Variants in NR5A1 observed in about 807,000 individuals in gnomAD.
The protein encoded by NR5A1 is steroidogenic factor 1.
Under a neutral mutation model 42.7 loss-of-function variants are expected in NR5A1, and 6 were observed. That is an observed-to-expected ratio of 0.14 (90% confidence interval 0.08 to 0.28). The LOEUF is 0.28. NR5A1 is among the 10% of genes least tolerant of loss of function. The pLI is 1.00. For synonymous variants in NR5A1, 274 were observed against 277.5 expected (o/e 0.99, Z 0.12); for missense variants, 442 against 626.4 (o/e 0.71, Z 3.14).
At position 124,498,405 on chromosome 9, in the gene NR5A1, G is replaced by C. The variant is rs1171940791; in HGVS notation, c.870+1685C>G. Among the ~76,000 whole-genome samples, 1 of 152,212 alleles carries C rather than the reference G, an allele frequency of 6.6e-6. No individual in the cohort carries two copies. Among genetic ancestry groups the C allele is most frequent in the African/African-American group, 2.4e-5 (1 of 41,452 alleles). On this transcript the variant is annotated intron_variant, in intron 4 of 6. Transcript: ENST00000373588. This position sits in a 1 kb window ranked among gnomAD's most constrained non-coding sequence, Gnocchi z 4.6. ...GAAGCAGGAAGGTTTGGACCACGGA[G>C]AAGCCAGAAGCAGGAAAAAACACTC...
At position 124,496,209 on chromosome 9, in the gene NR5A1, A is replaced by C. The variant is rs938608999; in HGVS notation, c.871-3060T>G. Reference sequence around the variant, plus strand: ...GCACACACACACACACACACACACAACCTCTTTTTATTTAAAAGAAAACCA... The same window carrying C: ...GCACACACACACACACACACACACACCCTCTTTTTATTTAAAAGAAAACCA... On this transcript the variant is annotated intron_variant, in intron 4 of 6. Transcript: ENST00000373588. This position sits in a 1 kb window ranked among gnomAD's most constrained non-coding sequence, Gnocchi z 5.0. Among the ~76,000 whole-genome samples the C allele has an allele frequency of 2.0e-5, 3 of 147,634 alleles. No individual in the cohort carries two copies. The highest frequency in any genetic ancestry group is 2.2e-4 in the South Asian group (1 of 4,596).
chr9:124,500,193 G>A lies in NR5A1; in HGVS notation c.767C>T (p.Pro256Leu), dbSNP rs761998023. Residue 256 changes from proline to leucine, a missense_variant, in exon 4 of 7, where the codon CCC (proline) becomes CTC (leucine). Around this residue, in one of 3 missense-constraint regions of NR5A1, gnomAD observed 208 missense variants for 203.8 expected, o/e 1.02. Coordinates refer to ENST00000373588, the MANE Select transcript of NR5A1 (RefSeq NM_004959.5). This position sits in a 1 kb window ranked among gnomAD's most constrained non-coding sequence, Gnocchi z 6.9. ...GCLQEPTKSR[P>L]DQPAAFGLLC... ...GAGGCCGAAGGCCGCCGGCTGGTCG[G>A]GGCGGCTTTTGGTGGGCTCCTGCAG... The A allele has an allele frequency of 1.9e-6, 3 of 1,610,298 alleles. No homozygotes were observed. Among genetic ancestry groups the A allele is most frequent in the South Asian group, 1.1e-5 (1 of 90,988 alleles).
rs117525354 is a variant in NR5A1 at position 124,505,775 on chromosome 9, G to C, written c.-16+1474C>G. On this transcript the variant is annotated intron_variant, in intron 1 of 6. Transcript: ENST00000373588. Reference sequence around the variant, plus strand: ...GCTGCTCCCCTCGGAGCTCTCACGGGGGGGTGGGGCGAGGAAGAAAGCGCT... The same window carrying C: ...GCTGCTCCCCTCGGAGCTCTCACGGCGGGGTGGGGCGAGGAAGAAAGCGCT... 7.7e-3 allele frequency among the ~76,000 whole-genome samples: 1,176 copies of C among 152,310 alleles called. 22 individuals carry two copies. Among genetic ancestry groups the C allele is most frequent in the East Asian group, 0.041 (211 of 5,152 alleles).
At chr9:124,504,559 G>T (rs542534687) in intron 1 of NR5A1, among the ~76,000 whole-genome samples, 1 of 151,790 alleles carries the variant, frequency 6.6e-6, no homozygotes, top group Non-Finnish European at 1.5e-5. Context: ...CCGGGAAGCC[G>T]AGCCCGAGGC....
chr9:124,503,176 G>T lies in NR5A1; in HGVS notation c.147C>A (p.Cys49Ter). Residue 49 changes from cysteine to a stop codon, truncating the protein, a stop_gained, in exon 3 of 7, where the codon TGC becomes TGA. Coordinates refer to ENST00000373588, the MANE Select transcript of NR5A1 (RefSeq NM_004959.5). LOFTEE classifies it high-confidence loss of function. The surrounding 1 kb of genome is among the most constrained non-coding windows in gnomAD (Gnocchi z 9.6). ...CGATCTTGCAGCTCTGGCTCTCGGT[G>T]CACGTGTAGTGCTTGTTGTTCTGCA... is the stretch of plus-strand genomic sequence containing the variant. ...RTVQNNKHYT[C>*]TESQSCKIDK... 6.2e-7 allele frequency: 1 copy of T among 1,602,000 alleles called. No homozygotes were observed. The highest frequency in any genetic ancestry group is 8.5e-7 in the Non-Finnish European group (1 of 1,175,336).
Position 124,493,167 on chromosome 9 carries a change from G to T in NR5A1, c.871-18C>A, listed in dbSNP as rs370794914. ...TCGGCCACCTGGAAGGAAGAGGCAC[G>T]CGGGGGGCCGGGCTCCAGCCAGGGT... is the stretch of plus-strand genomic sequence containing the variant. On this transcript the variant is annotated intron_variant, in intron 4 of 6. Coordinates refer to ENST00000373588, the MANE Select transcript of NR5A1 (RefSeq NM_004959.5). The T allele has an allele frequency of 1.9e-6, 3 of 1,607,338 alleles. No individual in the cohort carries two copies. The highest frequency in any genetic ancestry group is 2.7e-5 in the African/African-American group (2 of 74,856).
intron 4 of NR5A1, among the ~76,000 whole-genome samples, chr9:124,493,659 TC>T (rs112429443): frequency 2.6e-5 from 4 of 151,500 alleles, no homozygotes; most frequent in East Asian, 1.9e-4. Context: ...ACCAAGGGCT[TC>T]CCCCCCGGGC....
At chr9:124,494,893 G>T (rs1438575484) in intron 4 of NR5A1, among the ~76,000 whole-genome samples, 3 of 152,216 alleles carry the variant, frequency 2.0e-5, no homozygotes, top group African/African-American at 7.2e-5. Context: ...CCCCCAGTCA[G>T]AGGGGAACTG....
chr9:124,487,346 A>AAATT (rs1409809614), intron 6 of NR5A1, among the ~76,000 whole-genome samples: 1 of 152,154 alleles, frequency 6.6e-6, no homozygotes, highest in Non-Finnish European at 1.5e-5. Context: ...GTTGGCGCGG[A>AAATT]GCAGTGGGTA....
chr9:124,495,446 C>G (rs1395187877), intron 4 of NR5A1, among the ~76,000 whole-genome samples: 1 of 152,236 alleles, frequency 6.6e-6, no homozygotes, highest in Non-Finnish European at 1.5e-5. Flanking sequence ...GGAGGCAACA[C>G]TCGGGCTTCA....
At chr9:124,499,966 G>T in intron 4 of NR5A1, 124 bp downstream of exon 4, 1 of 1,444,670 alleles carries the variant, frequency 6.9e-7, no homozygotes. Context: ...GGTGGCCTCC[G>T]GGTCCCCAGG....
chr9:124,484,236 C>G (rs946362579), intron 6 of NR5A1, among the ~76,000 whole-genome samples: 4 of 152,172 alleles, frequency 2.6e-5, no homozygotes, highest in African/African-American at 9.7e-5. Context: ...GTCAAAAAAT[C>G]CTAAGCCAAA....
chr9:124,495,543 C>T (rs1167852801), intron 4 of NR5A1, among the ~76,000 whole-genome samples: 1 of 152,192 alleles, frequency 6.6e-6, no homozygotes, highest in Non-Finnish European at 1.5e-5. Context: ...AGGGGCCTGC[C>T]CAGGGGTCAC....
At chr9:124,506,981 C>G (rs1280457158) in intron 1 of NR5A1, 3 of 152,670 alleles carry the variant, frequency 2.0e-5, no homozygotes, top group Non-Finnish European at 4.4e-5. Context: ...CCCACACAGC[C>G]TGGTGGATGC....
chr9:124,491,041 C>CCT, intron 6 of NR5A1, 40 bp downstream of exon 6: 7 of 1,509,666 alleles, frequency 4.6e-6, no homozygotes, highest in Admixed American at 2.0e-5. Context: ...CCACCCGCCT[C>CCT]TGGCTGTCTC....
At position 124,501,233 on chromosome 9, in the gene NR5A1, G is replaced by A. The variant is rs1018914941; in HGVS notation, c.245-518C>T. Among the ~76,000 whole-genome samples, 24 of 152,292 alleles carry A rather than the reference G, an allele frequency of 1.6e-4. No homozygotes were observed. The highest frequency in any genetic ancestry group is 3.4e-3 in the Middle Eastern group (1 of 294). On this transcript the variant is annotated intron_variant, in intron 3 of 6. Transcript: ENST00000373588. The surrounding 1 kb of genome is among the most constrained non-coding windows in gnomAD (Gnocchi z 4.1). The stretch of plus-strand genomic sequence containing the variant: ...AAGGCCTGGCAGGGAGATGGTGACC[G>A]GAAGGGGACCCTGGTCAGCCTTGTT...
intron 6 of NR5A1, among the ~76,000 whole-genome samples, chr9:124,490,458 G>T (rs974938259): frequency 9.2e-5 from 14 of 152,164 alleles, no homozygotes; most frequent in Admixed American, 1.3e-4. Context: ...GGGGAGTGAG[G>T]TGGGTGGCCG....
At chr9:124,487,344 G>A (rs527560769) in intron 6 of NR5A1, among the ~76,000 whole-genome samples, 1 of 152,358 alleles carries the variant, frequency 6.6e-6, no homozygotes, top group East Asian at 1.9e-4. Flanking sequence ...TTGTTGGCGC[G>A]GAGCAGTGGG....
chr9:124,499,938 G>T, intron 4 of NR5A1, 152 bp downstream of exon 4: 2 of 1,010,532 alleles, frequency 2.0e-6, no homozygotes, highest in Non-Finnish European at 3.0e-6. Context: ...AAGTGGAAAT[G>T]CTCCTTAATG....
Sources: allele counts gnomAD v4.1 joint callset (sites outside exome capture counted in the v4.1 genomes callset), GRCh38; gene constraint gnomAD v4.1.1; regional missense constraint gnomAD v4.1.1; non-coding constraint Gnocchi (gnomAD v3.1); transcripts MANE v1.5; gene names NCBI Gene and HGNC (gene_info 2026-07-23, HGNC 2026-07-21).